The following TSHR variants were observed in gnomAD, a reference collection of about 807,000 sequenced individuals.
TSHR encodes thyrotropin receptor.
Under a neutral mutation model 64.1 loss-of-function variants are expected in TSHR, and 51 were observed. The observed-to-expected ratio is 0.80, with a 90% CI of 0.64 to 1.01. TSHR has a LOEUF of 1.01. Ranked by LOEUF, TSHR falls within the 50% of genes least tolerant of loss-of-function variation. The probability of loss-of-function intolerance (pLI) is 0.00; values close to 1 mark genes in which losing one functional copy is unlikely to be tolerated. For missense variants in TSHR, 877 were observed against 942.8 expected, an observed-to-expected ratio of 0.93 and a Z score of 0.91; for synonymous variants, 361 against 361.9, an observed-to-expected ratio of 1.00 and a Z score of 0.03.
At chr14:81,131,694 C>T (rs1367258732) in intron 8 of TSHR, among the ~76,000 whole-genome samples, 2 of 152,188 alleles carry the variant, frequency 1.3e-5, no homozygotes, top group Non-Finnish European at 2.9e-5. Flanking sequence ...CTCCTTCAGA[C>T]ACCTCCTCAA....
chr14:81,135,358 G>T (rs940459423), intron 8 of TSHR, among the ~76,000 whole-genome samples: 2 of 152,194 alleles, frequency 1.3e-5, no homozygotes, highest in Non-Finnish European at 2.9e-5. Flanking sequence ...TATAAGATCT[G>T]TGTTTTAGAA....
intron 8 of TSHR, among the ~76,000 whole-genome samples, chr14:81,134,214 C>T (rs1328288268): frequency 6.6e-6 from 1 of 152,078 alleles, no homozygotes; most frequent in Non-Finnish European, 1.5e-5. Context: ...CGGCTCACCA[C>T]GACCTCCACT....
At chr14:80,983,404 A>G (rs1888274570) in intron 1 of TSHR, 2 of 1,161,264 alleles carry the variant, frequency 1.7e-6, no homozygotes, top group African/African-American at 1.5e-5. Context: ...GTAATTTTAA[A>G]TATATCTGAA....
At chr14:81,131,685 T>C (rs1891256215) in intron 8 of TSHR, among the ~76,000 whole-genome samples, 1 of 152,098 alleles carries the variant, frequency 6.6e-6, no homozygotes, top group African/African-American at 2.4e-5. Context: ...CTCCCTCACC[T>C]CCTTCAGACA....
At chr14:80,958,821 A>AGT (rs1886858967) in intron 1 of TSHR, among the ~76,000 whole-genome samples, 2 of 152,120 alleles carry the variant, frequency 1.3e-5, no homozygotes, top group African/African-American at 2.4e-5. Context: ...GTTCTCTCAC[A>AGT]AGTTTTGTAT....
At position 81,146,239 on chromosome 14, in the gene TSHR, A is replaced by C; in HGVS notation, c.*1886A>C. The stretch of plus-strand genomic sequence containing the variant: ...AGAGTCCTAGAAAAGTGACTTCAAC[A>C]GAATTGTTACTAAAATTTGCACTCA... On this transcript the variant is annotated 3_prime_UTR_variant, in exon 10 of 10. Transcript: ENST00000298171. The C allele has an allele frequency of 4.8e-6, 1 of 210,360 alleles. No homozygotes were observed. The highest frequency in any genetic ancestry group is 1.5e-3 in the Middle Eastern group (1 of 678). 13.0% of individuals were successfully genotyped at this position (210,360 alleles called of 1,614,324 possible). A position where few individuals can be genotyped will look rare whatever the true frequency, so the allele number is the denominator to read the frequency against.
At chr14:81,041,990 G>C (rs1397139923) in intron 1 of TSHR, among the ~76,000 whole-genome samples, 2 of 151,938 alleles carry the variant, frequency 1.3e-5, no homozygotes, top group African/African-American at 2.4e-5. Context: ...TTTTAAAATG[G>C]GCAAAAGACC....
intron 1 of TSHR, among the ~76,000 whole-genome samples, chr14:81,002,257 C>A (rs1449033942): frequency 6.6e-6 from 1 of 152,022 alleles, no homozygotes; most frequent in East Asian, 1.9e-4. Context: ...GGGATTATAG[C>A]CCTTTATTTC....
chr14:81,100,727 G>A (rs1889524722), intron 7 of TSHR, among the ~76,000 whole-genome samples: 1 of 152,216 alleles, frequency 6.6e-6, no homozygotes, highest in Non-Finnish European at 1.5e-5. Context: ...CAAAGGAGCA[G>A]CTGTGTGGCA....
chr14:81,115,090 C>G (rs796708871), intron 8 of TSHR, among the ~76,000 whole-genome samples: 10,119 of 151,876 alleles, frequency 0.067, 828 homozygotes, highest in East Asian at 0.22. Flanking sequence ...AAAAACAGAA[C>G]AGAAAAACTG....
intron 1 of TSHR, chr14:80,982,701 A>G (rs150889027): frequency 2.2e-6 from 2 of 922,272 alleles, no homozygotes; most frequent in East Asian, 5.9e-5. Flanking sequence ...GATCCCAGGC[A>G]TCTAAGGCAA....
At chr14:81,139,236 C>G (rs981193483) in intron 8 of TSHR, among the ~76,000 whole-genome samples, 3 of 152,160 alleles carry the variant, frequency 2.0e-5, no homozygotes, top group Non-Finnish European at 4.4e-5. Flanking sequence ...GATGTTGATT[C>G]ATATCAGTGA....
At chr14:81,041,960 G>A (rs895366062) in intron 1 of TSHR, among the ~76,000 whole-genome samples, 29 of 152,182 alleles carry the variant, frequency 1.9e-4, no homozygotes, top group African/African-American at 7.0e-4. Context: ...ACCCTTAAAT[G>A]ATGCATGACT....
rs537521156 is a variant in TSHR, at chr14:80,983,598, G to C, written c.170+27748G>C. 1.1e-5 allele frequency: 11 copies of C among 1,015,626 alleles called. No homozygotes were observed. The Admixed American group carries it at 2.4e-4, about 23-fold the overall frequency. The allele number at this position is 1,015,626 out of a possible 1,614,324, so 62.9% of individuals were successfully genotyped here. On this transcript the variant is annotated intron_variant, in intron 1 of 9. Transcript: ENST00000298171. ...TCACTTGAGTTATAATACACTCATG[G>C]GCATTCTCAGGGAAGTTAAAGGGAT... is the stretch of plus-strand genomic sequence containing the variant.
chr14:80,978,293 A>G (rs572166194), intron 1 of TSHR, among the ~76,000 whole-genome samples: 2 of 152,262 alleles, frequency 1.3e-5, no homozygotes, highest in South Asian at 4.2e-4. Context: ...TGGGATCCTC[A>G]TCACCAGCTT....
intron 1 of TSHR, among the ~76,000 whole-genome samples, chr14:81,048,957 T>G (rs1193021126): frequency 6.6e-6 from 1 of 152,160 alleles, no homozygotes; most frequent in Non-Finnish European, 1.5e-5. Context: ...ATTTAGAAGT[T>G]TGGTGATGTT....
Position 81,144,249 on chromosome 14 carries a change from G to T in TSHR, c.2191G>T (p.Gly731Cys), listed in dbSNP as rs756463066. The T allele has an allele frequency of 1.2e-6, 2 of 1,613,696 alleles. No homozygotes were observed. Among genetic ancestry groups the T allele is most frequent in the South Asian group, 2.2e-5 (2 of 91,068 alleles). The change falls in exon 10 of 10, where the codon GGT (glycine) becomes TGT (cysteine). Residue 731 changes from glycine (G) to cysteine (C), a missense_variant. Physicochemically the swap from Gly to Cys is radical, Grantham distance 159. Transcript: ENST00000298171. ...VQKVTHEMRQ[G>C]LHNMEDVYEL... is the part of the protein sequence containing the mutation. ...AAAGGTTACCCACGAGATGAGGCAG[G>T]GTCTCCACAACATGGAAGATGTCTA... is the stretch of plus-strand genomic sequence containing the variant.
intron 6 of TSHR, 132 bp from the exon 7 acceptor site, chr14:81,096,507 G>A (rs1426768444): frequency 1.2e-5 from 10 of 820,982 alleles, no homozygotes; most frequent in Non-Finnish European, 2.0e-5. Flanking sequence ...TTTTCTTGTG[G>A]GATACATATG....
intron 1 of TSHR, among the ~76,000 whole-genome samples, chr14:80,969,683 A>T (rs143263326): frequency 6.6e-6 from 1 of 152,080 alleles, no homozygotes; most frequent in Non-Finnish European, 1.5e-5. Context: ...ATTCATGTTC[A>T]TTTCTCCAAA....
Sources: allele counts gnomAD v4.1 joint callset (sites outside exome capture counted in the v4.1 genomes callset), GRCh38; gene constraint gnomAD v4.1.1; transcripts MANE v1.5; gene names NCBI Gene and HGNC (gene_info 2026-07-23, HGNC 2026-07-21).